Variants in CTNND2 observed in about 807,000 individuals in gnomAD.
CTNND2 encodes the protein catenin delta-2.
A neutral mutation model predicts 144.4 loss-of-function variants in CTNND2; 22 were observed. That is an observed-to-expected ratio of 0.15 (90% CI 0.11 to 0.22). The LOEUF (loss-of-function observed/expected upper bound fraction) is 0.22. Ranked by LOEUF, CTNND2 falls within the 10% of genes least tolerant of loss-of-function variation. CTNND2 has a pLI of 1.00. For missense variants in CTNND2, 1,353 were observed against 1,618.8 expected (o/e 0.84, Z 2.82); for synonymous variants, 751 against 695.6 (o/e 1.08, Z -1.25).
chr5:11,524,784 G>A (rs949720176), intron 3 of CTNND2, among the ~76,000 whole-genome samples: 2 of 151,976 alleles, frequency 1.3e-5, no homozygotes, highest in African/African-American at 2.4e-5. Context: ...AGCTTGTAAC[G>A]TACATTCAAC....
intron 5 of CTNND2, among the ~76,000 whole-genome samples, chr5:11,400,607 C>T (rs1760557429): frequency 6.6e-6 from 1 of 152,198 alleles, no homozygotes; most frequent in Non-Finnish European, 1.5e-5. Context: ...AACCTACTAT[C>T]CTTAACTGGA....
At chr5:11,849,302 G>A (rs569240084) in intron 1 of CTNND2, among the ~76,000 whole-genome samples, 1 of 152,170 alleles carries the variant, frequency 6.6e-6, no homozygotes, top group East Asian at 1.9e-4. Flanking sequence ...CTCCCACCAG[G>A]TCCCTCCCAC....
intron 2 of CTNND2, among the ~76,000 whole-genome samples, chr5:11,627,767 A>G (rs1781230249): frequency 1.3e-5 from 2 of 150,746 alleles, no homozygotes; most frequent in South Asian, 4.2e-4. Context: ...TTGTAGTATT[A>G]CATGCTCATC....
In CTNND2 at chr5:11,385,126, TG is replaced by T; in HGVS notation, c.715del (p.His239ThrfsTer93). On this transcript the variant is annotated frameshift_variant, in exon 7 of 22. Transcript: ENST00000304623. LOFTEE classifies it high-confidence loss of function. ...PFAPSLGSAF[H>X]LPDAPPAAAA... is the part of the protein sequence containing the mutation. The stretch of plus-strand genomic sequence containing the variant: ...GGCGGCGGGCGGCGCGTCGGGCAGG[TG>T]GAAGGCGCTGCCCAGGCTGGGCGCG... The T allele has an allele frequency of 9.8e-7, 1 of 1,015,310 alleles. No homozygotes were observed. Among genetic ancestry groups the T allele is most frequent in the Admixed American group, 5.6e-5 (1 of 17,826 alleles). 62.9% of individuals were successfully genotyped at this position (1,015,310 alleles called of 1,614,324 possible). A position where few individuals can be genotyped will look rare whatever the true frequency, so the allele number is the denominator to read the frequency against.
chr5:11,370,705 A>G (rs1215340419), intron 7 of CTNND2, among the ~76,000 whole-genome samples: 1 of 152,220 alleles, frequency 6.6e-6, no homozygotes, highest in African/African-American at 2.4e-5. Flanking sequence ...TGCAGTATCA[A>G]TATAGTTTAT....
chr5:10,975,803 G>T (rs1261298793), intron 21 of CTNND2, among the ~76,000 whole-genome samples: 1 of 152,198 alleles, frequency 6.6e-6, no homozygotes, highest in Non-Finnish European at 1.5e-5. Context: ...ATCTTCAGGA[G>T]GAGTCACTCA....
chr5:11,859,465 A>T (rs1795402250), intron 1 of CTNND2, among the ~76,000 whole-genome samples: 1 of 152,226 alleles, frequency 6.6e-6, no homozygotes, highest in South Asian at 2.1e-4. Context: ...AAGAATAAAT[A>T]TCCAGTTCTT....
intron 9 of CTNND2, among the ~76,000 whole-genome samples, chr5:11,336,576 A>G (rs964751553): frequency 6.6e-6 from 1 of 152,200 alleles, no homozygotes; most frequent in Non-Finnish European, 1.5e-5. Flanking sequence ...ATTAACAAAC[A>G]TGTGCTTATG....
At chr5:11,032,304 T>C (rs1743563577) in intron 16 of CTNND2, among the ~76,000 whole-genome samples, 1 of 152,210 alleles carries the variant, frequency 6.6e-6, no homozygotes. Flanking sequence ...CTTTTGTATA[T>C]AAAAGGTTGT....
At chr5:11,646,171 T>A (rs1237849484) in intron 2 of CTNND2, among the ~76,000 whole-genome samples, 3 of 152,312 alleles carry the variant, frequency 2.0e-5, no homozygotes, top group South Asian at 4.1e-4. Context: ...GCCTTGTTTT[T>A]TGTTTTTCCT....
At chr5:11,405,867 T>C (rs146680160) in intron 5 of CTNND2, among the ~76,000 whole-genome samples, 1,619 of 152,226 alleles carry the variant, frequency 0.011, 13 homozygotes, top group Non-Finnish European at 0.017. Context: ...GAAAGAACAG[T>C]CTTGTTTGTA....
chr5:11,304,746 G>A (rs1749998424), intron 9 of CTNND2, among the ~76,000 whole-genome samples: 1 of 152,146 alleles, frequency 6.6e-6, no homozygotes, highest in Admixed American at 6.5e-5. Flanking sequence ...TCTCGGCAGA[G>A]AGTCTGTTTC....
At chr5:11,110,348 T>C (rs535603284) in intron 14 of CTNND2, among the ~76,000 whole-genome samples, 9 of 152,366 alleles carry the variant, frequency 5.9e-5, no homozygotes, top group South Asian at 2.1e-4. Flanking sequence ...AATGCCATCC[T>C]GTGGAAGGGC....
intron 15 of CTNND2, among the ~76,000 whole-genome samples, chr5:11,096,518 T>C (rs1003353790): frequency 1.3e-5 from 2 of 152,204 alleles, no homozygotes; most frequent in African/African-American, 2.4e-5. Flanking sequence ...GGATGCATAG[T>C]ATTCCATGGT....
chr5:11,120,768 GA>G (rs1431598986), intron 12 of CTNND2, among the ~76,000 whole-genome samples: 2 of 138,316 alleles, frequency 1.4e-5, no homozygotes, highest in African/African-American at 5.3e-5. Context: ...ATACAGACTT[GA>G]AGAGGGCGTT....
chr5:11,552,474 T>A (rs373755719), intron 3 of CTNND2, among the ~76,000 whole-genome samples: 19 of 152,220 alleles, frequency 1.2e-4, no homozygotes, highest in African/African-American at 2.2e-4. Context: ...ATCTCATTAC[T>A]TTTTTACTAA....
intron 15 of CTNND2, among the ~76,000 whole-genome samples, chr5:11,098,078 A>G (rs1179433613): frequency 6.6e-6 from 1 of 152,228 alleles, no homozygotes; most frequent in African/African-American, 2.4e-5. Context: ...GCCAAAGTCA[A>G]CTAACAATAC....
chr5:11,262,619 G>A (rs1246343053), intron 9 of CTNND2, among the ~76,000 whole-genome samples: 4 of 151,544 alleles, frequency 2.6e-5, no homozygotes, highest in Non-Finnish European at 4.4e-5. Flanking sequence ...AAAATTAGCT[G>A]GGCGTGGTGG....
intron 2 of CTNND2, among the ~76,000 whole-genome samples, chr5:11,711,595 T>C (rs550374470): frequency 2.2e-4 from 34 of 152,370 alleles, no homozygotes; most frequent in African/African-American, 7.0e-4. Context: ...GCTCTTTAGC[T>C]ATATTAACTT....
Sources: gnomAD v4.1 joint callset for allele counts (sites outside exome capture counted in the v4.1 genomes callset) on GRCh38, gnomAD v4.1.1 for gene constraint, MANE v1.5 for transcripts, NCBI Gene and HGNC (gene_info 2026-07-23, HGNC 2026-07-21) for gene names.